SGMS1: variants seen among roughly 807,000 people sequenced by gnomAD.
SGMS1 encodes phosphatidylcholine:ceramide cholinephosphotransferase 1.
In SGMS1, 13 loss-of-function variants were observed where a neutral mutation model predicts 46.2. That is an observed-to-expected ratio of 0.28 (90% CI 0.18 to 0.45). The LOEUF (loss-of-function observed/expected upper bound fraction) is 0.45. SGMS1 is among the 20% of genes least tolerant of loss of function. The pLI, the probability that SGMS1 is intolerant of heterozygous loss-of-function variation, is 1.00. For missense variants in SGMS1, 324 were observed against 519.9 expected (o/e 0.62, Z 3.66); for synonymous variants, 203 against 187.8 (o/e 1.08, Z -0.66).
intron 8 of SGMS1, 142 bp downstream of exon 8, chr10:50,327,063 C>T (rs1185634575): frequency 1.9e-6 from 1 of 537,790 alleles, no homozygotes; most frequent in African/African-American, 2.0e-5. Flanking sequence ...GGCTGCCTGG[C>T]CATATCATTT....
chr10:50,421,512 CCCA>C (rs1849254135), intron 6 of SGMS1, among the ~76,000 whole-genome samples: 1 of 152,162 alleles, frequency 6.6e-6, no homozygotes, highest in Non-Finnish European at 1.5e-5. Context: ...TCCTCACTTT[CCCA>C]CCACTTCCTT....
At chr10:50,412,294 G>C (rs2133573164) in intron 6 of SGMS1, among the ~76,000 whole-genome samples, 1 of 152,258 alleles carries the variant, frequency 6.6e-6, no homozygotes, top group East Asian at 1.9e-4. Flanking sequence ...TCTCCAAACT[G>C]AAAAAGCGCC....
chr10:50,477,950 T>TCTCCA (rs202002241), intron 3 of SGMS1, among the ~76,000 whole-genome samples: 4,611 of 152,262 alleles, frequency 0.03, 108 homozygotes, highest in African/African-American at 0.064. Context: ...TTTACAGCAG[T>TCTCCA]GTGAGGGCAG....
At chr10:50,322,886 G>GATGGAACA (rs1313859900) in intron 8 of SGMS1, among the ~76,000 whole-genome samples, 2 of 151,046 alleles carry the variant, frequency 1.3e-5, no homozygotes, top group African/African-American at 4.9e-5. Context: ...TTGTTTTCAG[G>GATGGAACA]ATGGAACACA....
chr10:50,387,206 T>C (rs1174421306), intron 6 of SGMS1, among the ~76,000 whole-genome samples: 1 of 152,180 alleles, frequency 6.6e-6, no homozygotes, highest in Non-Finnish European at 1.5e-5. Context: ...AAATGCTGCC[T>C]AAAGGGGGAA....
intron 6 of SGMS1, among the ~76,000 whole-genome samples, chr10:50,409,240 T>C (rs1372857753): frequency 6.6e-6 from 1 of 152,224 alleles, no homozygotes. Flanking sequence ...TATTTCCATG[T>C]GCTGGGAACA....
chr10:50,567,433 T>C (rs912677701), intron 2 of SGMS1, among the ~76,000 whole-genome samples: 15 of 152,174 alleles, frequency 9.9e-5, no homozygotes, highest in African/African-American at 2.4e-4. Flanking sequence ...ACAGACAGGT[T>C]TGGTTAACAC....
chr10:50,586,410 G>C (rs933381068), intron 2 of SGMS1, among the ~76,000 whole-genome samples: 1 of 152,208 alleles, frequency 6.6e-6, no homozygotes, highest in Non-Finnish European at 1.5e-5. Flanking sequence ...TGGCTTCCGG[G>C]GATGTGGCCC....
At chr10:50,360,139 T>C (rs1589405868) in intron 6 of SGMS1, among the ~76,000 whole-genome samples, 3 of 152,234 alleles carry the variant, frequency 2.0e-5, no homozygotes, top group Admixed American at 2.0e-4. Context: ...CAGATTTCTC[T>C]AAATAATAGG....
intron 2 of SGMS1, among the ~76,000 whole-genome samples, chr10:50,550,092 G>A (rs1434106444): frequency 6.6e-6 from 1 of 152,206 alleles, no homozygotes; most frequent in African/African-American, 2.4e-5. Flanking sequence ...TCCAAACTGG[G>A]TGGAGTTTAA....
At chr10:50,367,368 G>A (rs2133433451) in intron 6 of SGMS1, among the ~76,000 whole-genome samples, 1 of 152,344 alleles carries the variant, frequency 6.6e-6, no homozygotes, top group African/African-American at 2.4e-5. Flanking sequence ...TACTTATTTA[G>A]ATAGCTACAA....
chr10:50,601,104 A>G (rs1838645896), intron 1 of SGMS1, among the ~76,000 whole-genome samples: 1 of 152,216 alleles, frequency 6.6e-6, no homozygotes, highest in Non-Finnish European at 1.5e-5. Flanking sequence ...GAAATGAAGA[A>G]GGGCAGAAAA....
At chr10:50,614,756 G>A (rs751084739) in intron 1 of SGMS1, among the ~76,000 whole-genome samples, 2 of 152,226 alleles carry the variant, frequency 1.3e-5, no homozygotes. Context: ...TTTATGTAAA[G>A]GTACTGGCTC....
intron 6 of SGMS1, among the ~76,000 whole-genome samples, chr10:50,382,007 TTTTCC>T (rs1336912583): frequency 5.3e-5 from 8 of 152,204 alleles, no homozygotes; most frequent in Admixed American, 3.9e-4. Context: ...GTGAGTTGTC[TTTTCC>T]TTTCCTTTCA....
intron 6 of SGMS1, among the ~76,000 whole-genome samples, chr10:50,413,884 T>C (rs1849133579): frequency 6.6e-6 from 1 of 151,134 alleles, no homozygotes; most frequent in South Asian, 2.1e-4. Flanking sequence ...CTTATTAAAC[T>C]GGACAAAATG....
intron 7 of SGMS1, among the ~76,000 whole-genome samples, chr10:50,333,832 C>G (rs915251383): frequency 2.0e-5 from 3 of 152,130 alleles, no homozygotes; most frequent in African/African-American, 7.2e-5. Flanking sequence ...TACCTGTGCA[C>G]CAGTCCAGAA....
At position 50,562,337 on chromosome 10, in the gene SGMS1, A is replaced by AGTGT. The variant is rs758431447; in HGVS notation, c.-589+27812_-589+27815dup. 5.5e-3 allele frequency among the ~76,000 whole-genome samples: 734 copies of AGTGT among 132,346 alleles called. 3 individuals carry two copies. Among genetic ancestry groups the AGTGT allele is most frequent in the African/African-American group, 0.019 (685 of 35,656 alleles). The allele number at this position is 132,346 out of a possible 152,430, so 86.8% of individuals were successfully genotyped here. A position where few individuals can be genotyped will look rare whatever the true frequency, so the allele number is the denominator to read the frequency against. ...TTACATTTCTGACAAACACTCTCTG[A>AGTGT]GTGTGTGTGTGTGTGTGTGCGCGCG... On this transcript the variant is annotated intron_variant, in intron 2 of 10. Transcript: ENST00000361781.
chr10:50,317,117 G>A (rs768589538), intron 8 of SGMS1, among the ~76,000 whole-genome samples: 2 of 152,120 alleles, frequency 1.3e-5, no homozygotes, highest in African/African-American at 4.8e-5. Flanking sequence ...GAATCAAGCA[G>A]CAGAATTATT....
chr10:50,380,052 C>A (rs530253618), intron 6 of SGMS1, among the ~76,000 whole-genome samples: 101 of 152,090 alleles, frequency 6.6e-4, no homozygotes, highest in African/African-American at 2.2e-3. Flanking sequence ...AGATCTGAAT[C>A]AAAAAATGGG....
Sources: allele counts gnomAD v4.1 joint callset (sites outside exome capture counted in the v4.1 genomes callset), GRCh38; gene constraint gnomAD v4.1.1; transcripts MANE v1.5; gene names NCBI Gene and HGNC (gene_info 2026-07-23, HGNC 2026-07-21).